The following SLCO4C1 variants were observed in gnomAD, a reference collection of about 807,000 sequenced individuals.
SLCO4C1 encodes organic anion transporter M1.
Under a neutral mutation model 72.1 loss-of-function variants are expected in SLCO4C1, and 58 were observed. That is an observed-to-expected ratio of 0.80 (90% CI 0.65 to 1.00). SLCO4C1 has a LOEUF of 1.00. SLCO4C1 is among the 50% of genes least tolerant of loss of function. The pLI, the probability that SLCO4C1 is intolerant of heterozygous loss-of-function variation, is 0.00. For synonymous variants in SLCO4C1, 297 were observed against 312.5 expected (o/e 0.95, Z 0.52); for missense variants, 898 against 857.9 (o/e 1.05, Z -0.58).
chr5:102,253,047 T>G (rs1403122763), intron 8 of SLCO4C1, among the ~76,000 whole-genome samples: 2 of 152,184 alleles, frequency 1.3e-5, no homozygotes, highest in African/African-American at 4.8e-5. Flanking sequence ...AAAATATTGA[T>G]ATGCCTCTTT....
chr5:102,259,775 A>G lies in SLCO4C1; in HGVS notation c.1128+438T>C, dbSNP rs1258194465. ...TATATTTACAATTCAGTGATAATTG[A>G]CTAATCAATTTCATAAGGAAAATGT... On this transcript the variant is annotated intron_variant, in intron 6 of 12. Transcript: ENST00000310954. Among the ~76,000 whole-genome samples, 4 of 152,274 alleles carry G rather than the reference A, an allele frequency of 2.6e-5. No homozygotes were observed. The East Asian group carries it at 7.7e-4, about 29-fold the overall frequency.
At position 102,296,073 on chromosome 5, in the gene SLCO4C1, G is replaced by A. The variant is rs1002679410; in HGVS notation, c.190C>T (p.Pro64Ser). The A allele has an allele frequency of 3.3e-5, 54 of 1,614,098 alleles. No individual in the cohort carries two copies. The highest frequency in any genetic ancestry group is 4.4e-5 in the South Asian group (4 of 91,092). ...TCGGAGACATTGGGAGGGGCTGAAG[G>A]CAGAGATGGCTCTGGTGACTTCTGG... Reference protein sequence around the residue: ...EPQKSPEPSLPSAPPNVSEEK... With the variant: ...EPQKSPEPSLSSAPPNVSEEK... The change falls in exon 1 of 13, where the codon CCT (proline) becomes TCT (serine). Residue 64 changes from proline (P) to serine (S), a missense_variant. Pro to Ser is a moderately conservative substitution (Grantham distance 74). Coordinates refer to ENST00000310954, the MANE Select transcript of SLCO4C1 (RefSeq NM_180991.5).
intron 10 of SLCO4C1, among the ~76,000 whole-genome samples, chr5:102,241,770 A>G (rs977972363): frequency 6.6e-6 from 1 of 152,228 alleles, no homozygotes; most frequent in Admixed American, 6.5e-5. Context: ...TGGAATGACA[A>G]AAAATCCAGA....
chr5:102,258,794 A>C (rs1580249494), intron 6 of SLCO4C1, among the ~76,000 whole-genome samples: 2 of 152,078 alleles, frequency 1.3e-5, no homozygotes, highest in Non-Finnish European at 2.9e-5. Context: ...CAAAGGAGCA[A>C]GATGGGAGCT....
At chr5:102,238,056 C>T (rs1489483762) in intron 12 of SLCO4C1, among the ~76,000 whole-genome samples, 2 of 152,112 alleles carry the variant, frequency 1.3e-5, no homozygotes, top group East Asian at 3.8e-4. Context: ...TGTTTAAAAA[C>T]ATGTATTTGA....
intron 1 of SLCO4C1, 93 bp downstream of exon 1, chr5:102,295,815 C>T: frequency 7.7e-7 from 1 of 1,304,704 alleles, no homozygotes. Flanking sequence ...CACCGTCCCA[C>T]GGACCCCGCG....
intron 8 of SLCO4C1, among the ~76,000 whole-genome samples, chr5:102,252,416 T>A (rs1252364173): frequency 6.6e-6 from 1 of 152,142 alleles, no homozygotes; most frequent in African/African-American, 2.4e-5. Context: ...CTCATCTTAT[T>A]CAAATCTATT....
intron 8 of SLCO4C1, among the ~76,000 whole-genome samples, chr5:102,251,745 TTAA>T (rs1290998838): frequency 6.6e-6 from 1 of 152,214 alleles, no homozygotes; most frequent in Non-Finnish European, 1.5e-5. Flanking sequence ...GCTAGATTTC[TTAA>T]TAACCATTTG....
At chr5:102,259,479 A>G (rs1224123068) in intron 6 of SLCO4C1, among the ~76,000 whole-genome samples, 1 of 152,146 alleles carries the variant, frequency 6.6e-6, no homozygotes, top group African/African-American at 2.4e-5. Context: ...GAGTTGAAAG[A>G]TGGGCTGAGT....
intron 2 of SLCO4C1, among the ~76,000 whole-genome samples, chr5:102,287,343 A>G (rs1383254970): frequency 6.6e-6 from 1 of 152,094 alleles, no homozygotes; most frequent in African/African-American, 2.4e-5. Context: ...GAAATGCTTG[A>G]AATTCATAAA....
At chr5:102,251,781 C>A (rs772447356) in intron 8 of SLCO4C1, among the ~76,000 whole-genome samples, 3 of 151,980 alleles carry the variant, frequency 2.0e-5, no homozygotes, top group African/African-American at 7.3e-5. Flanking sequence ...GCTGAAACCA[C>A]GAACATTTAT....
At chr5:102,240,419 A>G (rs1748516002) in intron 11 of SLCO4C1, among the ~76,000 whole-genome samples, 1 of 152,148 alleles carries the variant, frequency 6.6e-6, no homozygotes, top group African/African-American at 2.4e-5. Flanking sequence ...ATAGAGACAA[A>G]AGCAGAGAGA....
At chr5:102,285,212 TACACACAC>T (rs3070619) in intron 2 of SLCO4C1, among the ~76,000 whole-genome samples, 12 of 147,962 alleles carry the variant, frequency 8.1e-5, no homozygotes, top group Admixed American at 1.3e-4. Flanking sequence ...TATATATACA[TACACACAC>T]ACACACACAC....
At position 102,296,190 on chromosome 5, in the gene SLCO4C1, C is replaced by T. The variant is rs1239857214; in HGVS notation, c.73G>A (p.Ala25Thr). ...GAGACTTCGATTTGGGAGGGCGACGCAGACAAGCGGCGCAGGATGTCTGGG... is the reference window on the plus strand; with the variant it reads ...GAGACTTCGATTTGGGAGGGCGACGTAGACAAGCGGCGCAGGATGTCTGGG... ...SSPDILRRLS[A>T]SPSQIEVSAL... Residue 25 changes from alanine to threonine, a missense_variant, in exon 1 of 13, where the codon GCG becomes ACG. Ala to Thr is a moderately conservative substitution (Grantham distance 58). Transcript: ENST00000310954. 1.8e-5 allele frequency: 29 copies of T among 1,606,508 alleles called. No individual in the cohort carries two copies. Among genetic ancestry groups the T allele is most frequent in the Non-Finnish European group, 2.4e-5 (28 of 1,175,956 alleles).
At chr5:102,290,021 A>G (rs1420131518) in intron 2 of SLCO4C1, among the ~76,000 whole-genome samples, 1 of 152,228 alleles carries the variant, frequency 6.6e-6, no homozygotes, top group Non-Finnish European at 1.5e-5. Flanking sequence ...CATTGCTAAA[A>G]AGGAACACCT....
At chr5:102,263,434 T>C (rs1748977770) in intron 4 of SLCO4C1, among the ~76,000 whole-genome samples, 1 of 152,102 alleles carries the variant, frequency 6.6e-6, no homozygotes. Flanking sequence ...TTTTTAAAAA[T>C]TTCACCAGAT....
chr5:102,266,745 T>C (rs1184687297), intron 3 of SLCO4C1, among the ~76,000 whole-genome samples: 1 of 152,214 alleles, frequency 6.6e-6, no homozygotes, highest in Non-Finnish European at 1.5e-5. Flanking sequence ...TCTCATTCAG[T>C]ATAACGTTAG....
In SLCO4C1 at chr5:102,258,076, C is replaced by A; in HGVS notation, c.1140G>T (p.Lys380Asn). The stretch of plus-strand genomic sequence containing the variant: ...GAACTAAACACATAAAGACAGCATT[C>A]TTCATCAAATTCTAAAGAAAAAAAT... ...DFPAALKNLM[K>N]NAVFMCLVLS... The change falls in exon 7 of 13, where the codon AAG (lysine) becomes AAT (asparagine). Residue 380 changes from lysine to asparagine, a missense_variant. Lys to Asn is a moderately conservative substitution (Grantham distance 94). Coordinates refer to ENST00000310954, the MANE Select transcript of SLCO4C1 (RefSeq NM_180991.5). 1 of 1,547,590 alleles carries A rather than the reference C, an allele frequency of 6.5e-7. No individual in the cohort carries two copies.
chr5:102,293,787 T>G (rs1339593356), intron 1 of SLCO4C1, among the ~76,000 whole-genome samples: 2 of 152,104 alleles, frequency 1.3e-5, no homozygotes, highest in Middle Eastern at 3.2e-3. Flanking sequence ...CAGGCTGGAG[T>G]GCAGTGGCGC....
Sources: allele counts gnomAD v4.1 joint callset (sites outside exome capture counted in the v4.1 genomes callset), GRCh38; gene constraint gnomAD v4.1.1; transcripts MANE v1.5; gene names NCBI Gene and HGNC (gene_info 2026-07-23, HGNC 2026-07-21).